The following CFAP54 variants were observed in gnomAD, a reference collection of about 807,000 sequenced individuals.
CFAP54 encodes the protein cilia- and flagella-associated protein 54.
In CFAP54, 290 loss-of-function variants were observed where a neutral mutation model predicts 370.4. The observed-to-expected ratio is 0.78, with a 90% confidence interval of 0.71 to 0.86. The LOEUF (loss-of-function observed/expected upper bound fraction) is 0.86, where lower values mean the gene tolerates loss of function less well. Among genes scored for constraint, CFAP54 ranks in the 40% least tolerant of loss-of-function variants. The pLI is 0.00. For missense variants in CFAP54, 3,399 were observed against 3,528.7 expected (o/e 0.96, Z 0.93); for synonymous variants, 1,206 against 1,236.5 (o/e 0.98, Z 0.52).
At chr12:96,772,621 T>G (rs917438824) in intron 60 of CFAP54, among the ~76,000 whole-genome samples, 64 of 151,452 alleles carry the variant, frequency 4.2e-4, no homozygotes, top group Non-Finnish European at 9.0e-4. Flanking sequence ...AGATGGAGTT[T>G]TGCTCTTGTT....
chr12:96,723,095 ACTG>A (rs888520846), intron 50 of CFAP54, among the ~76,000 whole-genome samples: 19 of 152,328 alleles, frequency 1.2e-4, no homozygotes, highest in African/African-American at 4.3e-4. Context: ...TATACCAATC[ACTG>A]CTATTTAATT....
intron 30 of CFAP54, among the ~76,000 whole-genome samples, chr12:96,629,368 A>C (rs1006573309): frequency 9.2e-5 from 14 of 151,786 alleles, no homozygotes; most frequent in African/African-American, 3.4e-4. Flanking sequence ...CAGTGGCGCG[A>C]TCTTGGCTCA....
At chr12:96,838,654 C>T (rs978577792) in intron 66 of CFAP54, among the ~76,000 whole-genome samples, 4 of 152,050 alleles carry the variant, frequency 2.6e-5, no homozygotes, top group South Asian at 4.1e-4. Context: ...CCCTATGATC[C>T]TATCACCTCC....
intron 19 of CFAP54, among the ~76,000 whole-genome samples, chr12:96,573,972 C>T (rs911496350): frequency 1.3e-5 from 2 of 152,152 alleles, no homozygotes; most frequent in Admixed American, 6.5e-5. Flanking sequence ...TATTCATCAT[C>T]GTGGATACAT....
intron 9 of CFAP54, among the ~76,000 whole-genome samples, chr12:96,531,873 C>T (rs1248739820): frequency 6.6e-6 from 1 of 152,070 alleles, no homozygotes; most frequent in Non-Finnish European, 1.5e-5. Context: ...TACAGGTGTG[C>T]ACCACCACGC....
intron 66 of CFAP54, among the ~76,000 whole-genome samples, chr12:96,841,311 G>A (rs1959213384): frequency 6.6e-6 from 1 of 152,206 alleles, no homozygotes; most frequent in African/African-American, 2.4e-5. Flanking sequence ...GGAATCATTA[G>A]CAAATCTGTT....
intron 63 of CFAP54, among the ~76,000 whole-genome samples, chr12:96,796,818 TCTC>T (rs753119672): frequency 6.6e-6 from 1 of 152,280 alleles, no homozygotes; most frequent in African/African-American, 2.4e-5. Context: ...ATTTGTGTAT[TCTC>T]CTCTTTTTCT....
intron 5 of CFAP54, among the ~76,000 whole-genome samples, chr12:96,516,620 A>G (rs1268391589): frequency 6.6e-6 from 1 of 152,214 alleles, no homozygotes; most frequent in Non-Finnish European, 1.5e-5. Context: ...GCTTTTGTTT[A>G]TGGAATAATT....
At chr12:96,541,279 T>C (rs1253607009) in intron 14 of CFAP54, among the ~76,000 whole-genome samples, 3 of 149,784 alleles carry the variant, frequency 2.0e-5, no homozygotes, top group Non-Finnish European at 4.4e-5. Flanking sequence ...TTTTTTCACT[T>C]TCTCTCCCTT....
At chr12:96,796,429 AC>A (rs1958763031) in intron 63 of CFAP54, among the ~76,000 whole-genome samples, 1 of 152,150 alleles carries the variant, frequency 6.6e-6, no homozygotes, top group Non-Finnish European at 1.5e-5. Context: ...AATTTGGAGT[AC>A]CTTTTTTTAT....
In CFAP54 at chr12:96,489,674, C is replaced by T. The variant is rs1223592283; in HGVS notation, c.65C>T (p.Pro22Leu). The T allele has an allele frequency of 6.5e-7, 1 of 1,535,922 alleles. No individual in the cohort carries two copies. The highest frequency in any genetic ancestry group is 2.0e-5 in the Admixed American group (1 of 50,996). Residue 22 changes from proline to leucine, a missense_variant, in exon 1 of 68, where the codon CCA becomes CTA. Pro to Leu is a moderately conservative substitution (Grantham distance 98). Coordinates refer to ENST00000524981, the MANE Select transcript of CFAP54 (RefSeq NM_001306084.2). ...SDDSTTSGSL[P>L]ELPPTSTATS... ...GACTCTACCACCTCGGGGTCTCTGC[C>T]AGAACTGCCGCCGACCTCCACCGCG...
chr12:96,708,682 G>T lies in CFAP54; in HGVS notation c.6603G>T (p.Lys2201Asn). 1 of 1,612,270 alleles carries T rather than the reference G, an allele frequency of 6.2e-7. No individual in the cohort carries two copies. Residue 2201 changes from lysine to asparagine, a missense_variant, in exon 48 of 68, where the codon AAG becomes AAT. Physicochemically the swap from Lys to Asn is moderately conservative, Grantham distance 94. This residue lies in a region of CFAP54 where 2,796 missense variants were observed against 2,869.7 expected (regional missense o/e 0.97). Coordinates refer to ENST00000524981, the MANE Select transcript of CFAP54 (RefSeq NM_001306084.2). ...TTGGCCAACCACATCTCTTAAATAA[G>T]TTTAATTTTGTTAAAGCATACTTTT... is the stretch of plus-strand genomic sequence containing the variant. ...VTIGQPHLLN[K>N]FNFVKAYFFL...
Position 96,647,977 on chromosome 12 carries a change from C to T in CFAP54, c.4650C>T (p.Phe1550=). 6.6e-7 allele frequency: 1 copy of T among 1,518,138 alleles called. No individual in the cohort carries two copies. The highest frequency in any genetic ancestry group is 8.8e-7 in the Non-Finnish European group (1 of 1,142,096). The allele number at this position is 1,518,138 out of a possible 1,614,324, so 94.0% of individuals were successfully genotyped here. A position where few individuals can be genotyped will look rare whatever the true frequency, so the allele number is the denominator to read the frequency against. The change falls in exon 34 of 68, where the codon TTC becomes TTT. Residue 1550 remains phenylalanine, a synonymous_variant. Coordinates refer to ENST00000524981, the MANE Select transcript of CFAP54 (RefSeq NM_001306084.2). The part of the protein sequence containing the change: ...TVENYKAMLD[F]LLTAKKRKAN... ...AAAATTATAAAGCAATGCTTGATTTCCTTCTTACAGCCAAAAAAAGAAAGG... is the reference window on the plus strand; with the variant it reads ...AAAATTATAAAGCAATGCTTGATTTTCTTCTTACAGCCAAAAAAAGAAAGG...
chr12:96,594,242 C>T (rs1278779413), intron 24 of CFAP54, 49 bp from the exon 25 acceptor site: 7 of 1,328,524 alleles, frequency 5.3e-6, no homozygotes, highest in Admixed American at 2.1e-5. Context: ...GAGACACATA[C>T]GCTAAGCACC....
chr12:96,494,795 C>T (rs1010321091), intron 1 of CFAP54, among the ~76,000 whole-genome samples: 7 of 151,744 alleles, frequency 4.6e-5, no homozygotes, highest in African/African-American at 1.5e-4. Context: ...GACGCAATCT[C>T]GGCTCTCTGC....
intron 33 of CFAP54, chr12:96,645,132 T>C (rs1238545274): frequency 2.2e-6 from 1 of 456,552 alleles, no homozygotes; most frequent in Non-Finnish European, 4.4e-6. Flanking sequence ...TCACCCAATG[T>C]CAATTTTCTA....
chr12:96,659,105 C>T (rs553589556), intron 38 of CFAP54, among the ~76,000 whole-genome samples: 11 of 152,302 alleles, frequency 7.2e-5, no homozygotes, highest in South Asian at 2.1e-4. Context: ...CTGCAGCCTC[C>T]GCCTCCCAGG....
chr12:96,599,399 AGTCTATTATTGAT>A (rs1956216476), intron 26 of CFAP54, among the ~76,000 whole-genome samples: 1 of 152,136 alleles, frequency 6.6e-6, no homozygotes, highest in South Asian at 2.1e-4. Flanking sequence ...TTCTTTATCC[AGTCTATTATTGAT>A]GGACATTTGG....
intron 24 of CFAP54, among the ~76,000 whole-genome samples, chr12:96,594,052 G>A (rs1212598305): frequency 6.6e-6 from 1 of 151,972 alleles, no homozygotes; most frequent in South Asian, 2.1e-4. Context: ...AAAAAAACTG[G>A]TTTCTGTTAT....
Sources: allele counts gnomAD v4.1 joint callset (sites outside exome capture counted in the v4.1 genomes callset), GRCh38; gene constraint gnomAD v4.1.1; regional missense constraint gnomAD v4.1.1; transcripts MANE v1.5; gene names NCBI Gene and HGNC (gene_info 2026-07-23, HGNC 2026-07-21).